Variants in HNRNPA2B1 observed in about 807,000 individuals in gnomAD.
HNRNPA2B1 encodes the protein heterogeneous nuclear ribonucleoproteins A2/B1.
In HNRNPA2B1, 3 loss-of-function variants were observed where a neutral mutation model predicts 46.3. That is an observed-to-expected ratio of 0.06 (90% CI 0.03 to 0.17). HNRNPA2B1 has a LOEUF of 0.17. Among genes scored for constraint, HNRNPA2B1 ranks in the 10% least tolerant of loss-of-function variants. The pLI, the probability that HNRNPA2B1 is intolerant of heterozygous loss-of-function variation, is 1.00. For synonymous variants in HNRNPA2B1, 225 were observed against 133.8 expected (o/e 1.68, Z -4.70); for missense variants, 221 against 418.9 (o/e 0.53, Z 4.12).
In HNRNPA2B1 at chr7:26,199,436, G is replaced by A. The variant is rs375142025; in HGVS notation, c.6+1136C>T. On this transcript the variant is annotated intron_variant, in intron 1 of 10. Transcript: ENST00000618183. ...ATACGCATTACAGGAAGGAGCCTCT[G>A]AAGCCATGTTTTAATCGAAGTATAA... 4 of 152,252 alleles carry A rather than the reference G, an allele frequency of 2.6e-5. No homozygotes were observed. The East Asian group carries it at 5.8e-4, about 22-fold the overall frequency. The allele number at this position is 152,252 out of a possible 1,614,324, so 9.4% of individuals were successfully genotyped here.
intron 1 of HNRNPA2B1, chr7:26,198,027 TTAAAA>T: frequency 2.3e-6 from 1 of 436,722 alleles, no homozygotes. Context: ...AAATTATTAA[TTAAAA>T]AAAAAACTTT....
intron 1 of HNRNPA2B1, 96 bp downstream of exon 1, chr7:26,200,476 G>C: frequency 8.0e-7 from 1 of 1,250,314 alleles, no homozygotes; most frequent in Non-Finnish European, 1.2e-6. Context: ...CCGATTTCCT[G>C]CCTCTCTCCC....
In HNRNPA2B1 at chr7:26,192,233, T is replaced by C. The variant is rs1782984822; in HGVS notation, c.*127A>G. ...GTGTCTTCTGCCATATCACTGCATA[T>C]TTATGCATGACTGAGATAAGAGTTT... On this transcript the variant is annotated 3_prime_UTR_variant, in exon 11 of 11. Transcript: ENST00000618183. The C allele has an allele frequency of 5.5e-6, 2 of 360,380 alleles. No individual in the cohort carries two copies. The highest frequency in any genetic ancestry group is 1.0e-5 in the Non-Finnish European group (2 of 196,286). The allele number at this position is 360,380 out of a possible 1,614,324, so 22.3% of individuals were successfully genotyped here. A position where few individuals can be genotyped will look rare whatever the true frequency, so the allele number is the denominator to read the frequency against.
intron 9 of HNRNPA2B1, 113 bp downstream of exon 9, chr7:26,193,138 C>G: frequency 9.8e-7 from 1 of 1,018,334 alleles, no homozygotes; most frequent in East Asian, 2.4e-5. Context: ...TAAGACCGTA[C>G]ATGGAGCACT....
At chr7:26,193,102 T>C (rs978322550) in intron 9 of HNRNPA2B1, 149 bp downstream of exon 9, 24 of 720,754 alleles carry the variant, frequency 3.3e-5, no homozygotes, top group Middle Eastern at 2.7e-4. Flanking sequence ...TCTGTGGAGA[T>C]TTATGCAAAA....
chr7:26,193,835 A>T, intron 7 of HNRNPA2B1, 141 bp from the exon 8 acceptor site: 1 of 745,242 alleles, frequency 1.3e-6, no homozygotes, highest in African/African-American at 1.8e-5. Flanking sequence ...CAAGGACTGA[A>T]TAACTATCCT....
intron 6 of HNRNPA2B1, 33 bp from the exon 7 acceptor site, chr7:26,195,942 A>G: frequency 1.3e-6 from 2 of 1,583,134 alleles, no homozygotes; most frequent in Non-Finnish European, 1.7e-6. Context: ...TACGTTTACT[A>G]TAAACTGTTC....
chr7:26,200,252 G>A lies in HNRNPA2B1; in HGVS notation c.6+320C>T, dbSNP rs963907849. On this transcript the variant is annotated intron_variant, in intron 1 of 10. Transcript: ENST00000618183. Reference sequence around the variant, plus strand: ...CCGAGGAGACGCCGTGGCCCCCGAAGCAGCGTGCTTTAGAAAGGGAATAAG... The same window carrying A: ...CCGAGGAGACGCCGTGGCCCCCGAAACAGCGTGCTTTAGAAAGGGAATAAG... The A allele has an allele frequency of 7.6e-5, 27 of 357,322 alleles. No individual in the cohort carries two copies. The Admixed American group carries it at 1.1e-3, about 15-fold the overall frequency. 22.1% of individuals were successfully genotyped at this position (357,322 alleles called of 1,614,324 possible).
intron 7 of HNRNPA2B1, chr7:26,195,579 G>C (rs377171388): frequency 3.9e-5 from 16 of 414,546 alleles, no homozygotes; most frequent in East Asian, 1.8e-4. Context: ...CACGTACAAA[G>C]ATATATCTAG....
rs1220053952 is a variant in HNRNPA2B1 at position 26,189,980 on chromosome 7, GCTCTT to G, written c.*2375_*2379del. On this transcript the variant is annotated 3_prime_UTR_variant, in exon 11 of 11. Transcript: ENST00000618183. ...GGGGACAGCCAATAATGTCCACAAT[GCTCTT>G]CTCATTTACCTGTTAATATTAAAAT... 1 of 152,152 alleles carries G rather than the reference GCTCTT, an allele frequency of 6.6e-6. No homozygotes were observed. The highest frequency in any genetic ancestry group is 1.5e-5 in the Non-Finnish European group (1 of 68,004). 9.4% of individuals were successfully genotyped at this position (152,152 alleles called of 1,614,324 possible). A position where few individuals can be genotyped will look rare whatever the true frequency, so the allele number is the denominator to read the frequency against.
At chr7:26,192,361 TAA>T (rs879817983) in intron 10 of HNRNPA2B1, 23 bp from the exon 11 acceptor site, 2 of 574,086 alleles carry the variant, frequency 3.5e-6, no homozygotes, top group Non-Finnish European at 6.2e-6. Flanking sequence ...AAGTAAAGAG[TAA>T]AAAAAAAATA....
At position 26,194,536 on chromosome 7, in the gene HNRNPA2B1, T is replaced by C. The variant is rs1783290260; in HGVS notation, c.722-842A>G. Among the ~76,000 whole-genome samples the C allele has an allele frequency of 2.2e-5, 3 of 134,786 alleles. No homozygotes were observed. In the South Asian group the frequency reaches 7.0e-4, roughly 31 times the overall value. The allele number at this position is 134,786 out of a possible 152,430, so 88.4% of individuals were successfully genotyped here. On this transcript the variant is annotated intron_variant, in intron 7 of 10. Transcript: ENST00000618183. ...CAACACAGCAAAACCCCCACACCTC[T>C]ACAAAAAAACACAAAATTAGCCGGT...
intron 1 of HNRNPA2B1, chr7:26,199,068 G>A (rs1360207410): frequency 1.3e-5 from 2 of 152,152 alleles, no homozygotes; most frequent in Non-Finnish European, 2.9e-5. Flanking sequence ...CATTTTTTCA[G>A]CTAGTTTTTA....
intron 6 of HNRNPA2B1, 97 bp downstream of exon 6, chr7:26,196,303 TG>T: frequency 3.1e-6 from 3 of 977,636 alleles, no homozygotes; most frequent in Non-Finnish European, 4.6e-6. Context: ...TTAGGAAAAT[TG>T]ACTTAGGTTG....
chr7:26,193,983 G>A (rs1320530559), intron 7 of HNRNPA2B1, among the ~76,000 whole-genome samples: 1 of 152,194 alleles, frequency 6.6e-6, no homozygotes, highest in Non-Finnish European at 1.5e-5. Flanking sequence ...TATATTGTGG[G>A]TAAGGACTGT....
At chr7:26,197,108 A>C in intron 3 of HNRNPA2B1, 91 bp from the exon 4 acceptor site, 1 of 1,147,898 alleles carries the variant, frequency 8.7e-7, no homozygotes, top group Non-Finnish European at 1.3e-6. Context: ...CTTCGCTTGT[A>C]TCCACCTTAA....
At chr7:26,198,865 T>C (rs532097138) in intron 1 of HNRNPA2B1, 1 of 152,362 alleles carries the variant, frequency 6.6e-6, no homozygotes, top group East Asian at 1.9e-4. Flanking sequence ...CTCATCCCAG[T>C]TCTACGGAGC....
intron 1 of HNRNPA2B1, chr7:26,199,793 G>T (rs1370362161): frequency 1.3e-5 from 2 of 152,134 alleles, no homozygotes; most frequent in African/African-American, 2.4e-5. Context: ...TGGTTTCTTT[G>T]TCCTACGGCT....
intron 7 of HNRNPA2B1, among the ~76,000 whole-genome samples, chr7:26,194,518 G>A (rs1242819209): frequency 2.7e-5 from 4 of 149,024 alleles, no homozygotes; most frequent in Non-Finnish European, 4.4e-5. Flanking sequence ...GGGCAACACA[G>A]CAAAACCCCC....
Sources: gnomAD v4.1 joint callset for allele counts (sites outside exome capture counted in the v4.1 genomes callset) on GRCh38, gnomAD v4.1.1 for gene constraint, MANE v1.5 for transcripts, NCBI Gene and HGNC (gene_info 2026-07-23, HGNC 2026-07-21) for gene names.